The following ATP6V1B2 variants were observed in gnomAD, a reference collection of about 807,000 sequenced individuals.
ATP6V1B2 encodes V-type proton ATPase subunit B, brain isoform.
In ATP6V1B2, 23 loss-of-function variants were observed where a neutral mutation model predicts 66.7. The observed-to-expected ratio is 0.34, with a 90% CI of 0.25 to 0.49. The LOEUF is 0.49. ATP6V1B2 is among the 20% of genes least tolerant of loss of function. The pLI is 0.99. For synonymous variants in ATP6V1B2, 278 were observed against 236.7 expected (o/e 1.17, Z -1.60); for missense variants, 478 against 650.8 (o/e 0.73, Z 2.89).
chr8:20,219,120 C>A (rs892217723), intron 13 of ATP6V1B2, among the ~76,000 whole-genome samples: 2 of 152,130 alleles, frequency 1.3e-5, no homozygotes, highest in African/African-American at 4.8e-5. Context: ...ATTTCTTAAA[C>A]TTTAATATGC....
At position 20,214,889 on chromosome 8, in the gene ATP6V1B2, G is replaced by A. The variant is rs541315796; in HGVS notation, c.999G>A (p.Thr333=). ...GTTACATGTATACAGATTTAGCCAC[G>A]ATATATGAACGCGCTGGGCGAGTGG... ...FPGYMYTDLA[T]IYERAGRVEG... is the part of the protein sequence containing the mutation. The change falls in exon 10 of 14, where the codon ACG becomes ACA. Residue 333 remains threonine, a synonymous_variant. Transcript: ENST00000276390. 15 of 1,613,584 alleles carry A rather than the reference G, an allele frequency of 9.3e-6. No individual in the cohort carries two copies. Among genetic ancestry groups the A allele is most frequent in the South Asian group, 3.3e-5 (3 of 91,062 alleles).
At chr8:20,206,368 A>G (rs942316201) in intron 2 of ATP6V1B2, among the ~76,000 whole-genome samples, 2 of 152,200 alleles carry the variant, frequency 1.3e-5, no homozygotes, top group Non-Finnish European at 2.9e-5. Context: ...TCAGATGCCA[A>G]TCAAAAGTAG....
rs1252607438 is a variant in ATP6V1B2, at chr8:20,221,470, C to T, written c.*1068C>T. 6.6e-6 allele frequency: 1 copy of T among 152,602 alleles called. No homozygotes were observed. The highest frequency in any genetic ancestry group is 1.5e-5 in the Non-Finnish European group (1 of 68,060). The allele number at this position is 152,602 out of a possible 1,614,324, so 9.5% of individuals were successfully genotyped here. A position where few individuals can be genotyped will look rare whatever the true frequency, so the allele number is the denominator to read the frequency against. The stretch of plus-strand genomic sequence containing the variant: ...CCTGACGTGAGCCCTGAGCGATCTT[C>T]TATGCAGTTCTGCCATGCGTCCTGT... On this transcript the variant is annotated 3_prime_UTR_variant, in exon 14 of 14. Coordinates refer to ENST00000276390, the MANE Select transcript of ATP6V1B2 (RefSeq NM_001693.4).
Position 20,209,470 on chromosome 8 carries a change from C to A in ATP6V1B2, c.230C>A (p.Pro77Gln). 1 of 1,613,840 alleles carries A rather than the reference C, an allele frequency of 6.2e-7. No individual in the cohort carries two copies. Among genetic ancestry groups the A allele is most frequent in the Non-Finnish European group, 8.5e-7 (1 of 1,179,938 alleles). The stretch of plus-strand genomic sequence containing the variant: ...GCTGAAATTGTCCATTTGACCTTAC[C>A]GGATGGCACAAAGAGAAGTGGGCAA... Reference protein sequence around the residue: ...RYAEIVHLTLPDGTKRSGQVL... With the variant: ...RYAEIVHLTLQDGTKRSGQVL... Residue 77 changes from proline (P) to glutamine (Q), a missense_variant, in exon 3 of 14, where the codon CCG (proline) becomes CAG (glutamine). Coordinates refer to ENST00000276390, the MANE Select transcript of ATP6V1B2 (RefSeq NM_001693.4).
intron 13 of ATP6V1B2, among the ~76,000 whole-genome samples, chr8:20,219,452 G>A (rs1338770773): frequency 6.6e-6 from 1 of 152,098 alleles, no homozygotes; most frequent in Non-Finnish European, 1.5e-5. Flanking sequence ...AAGCTGTTTT[G>A]CTTGGTCTCT....
chr8:20,210,278 C>G lies in ATP6V1B2; in HGVS notation c.292-68C>G. ...TACATTATAAGGGCTGTTTAACAGA[C>G]AAATAAAATGTAAATGCCCGTGATC... On this transcript the variant is annotated intron_variant, in intron 3 of 13. Transcript: ENST00000276390. The G allele has an allele frequency of 5.2e-6, 7 of 1,354,602 alleles. No homozygotes were observed. The South Asian group carries it at 8.7e-5, about 17-fold the overall frequency. The allele number at this position is 1,354,602 out of a possible 1,614,324, so 83.9% of individuals were successfully genotyped here.
Position 20,198,614 on chromosome 8 carries a change from C to T in ATP6V1B2, c.136+1072C>T, listed in dbSNP as rs531846460. 2.0e-5 allele frequency among the ~76,000 whole-genome samples: 3 copies of T among 152,250 alleles called. No homozygotes were observed. In the East Asian group the frequency reaches 5.8e-4, roughly 29 times the overall value. ...GATGTTTCCCCAGGTGGTGAGACTGCATTTTCACTGGTTAATTGCCAGAGT... is the reference window on the plus strand; with the variant it reads ...GATGTTTCCCCAGGTGGTGAGACTGTATTTTCACTGGTTAATTGCCAGAGT... On this transcript the variant is annotated intron_variant, in intron 1 of 13. Coordinates refer to ENST00000276390, the MANE Select transcript of ATP6V1B2 (RefSeq NM_001693.4).
At chr8:20,215,222 A>T (rs2072841691) in intron 10 of ATP6V1B2, 1 of 311,836 alleles carries the variant, frequency 3.2e-6, no homozygotes, top group Non-Finnish European at 5.9e-6. Flanking sequence ...TTTGCAGGAC[A>T]CTGTTCTAAA....
chr8:20,215,056 A>C (rs1000918649), intron 10 of ATP6V1B2, 88 bp downstream of exon 10: 1 of 1,369,588 alleles, frequency 7.3e-7, no homozygotes, highest in Non-Finnish European at 9.9e-7. Flanking sequence ...AGTTATTTTG[A>C]GAACACATCC....
intron 1 of ATP6V1B2, among the ~76,000 whole-genome samples, chr8:20,201,971 A>G (rs917636520): frequency 4.1e-4 from 62 of 152,280 alleles, no homozygotes; most frequent in African/African-American, 1.4e-3. Flanking sequence ...TAAAGCCACC[A>G]GTTACCTTCA....
chr8:20,216,978 T>A (rs1345718770), intron 11 of ATP6V1B2: 2 of 471,336 alleles, frequency 4.2e-6, no homozygotes, highest in African/African-American at 1.9e-5. Flanking sequence ...TTTAAAATAG[T>A]CTTGTACAGT....
intron 2 of ATP6V1B2, among the ~76,000 whole-genome samples, chr8:20,205,371 C>G (rs2072728551): frequency 6.6e-6 from 1 of 152,100 alleles, no homozygotes; most frequent in South Asian, 2.1e-4. Flanking sequence ...AGAACGGGGT[C>G]TCCCCTAGTT....
At position 20,197,477 on chromosome 8, in the gene ATP6V1B2, C is replaced by A; in HGVS notation, c.71C>A (p.Pro24Gln). The stretch of plus-strand genomic sequence containing the variant: ...GAGCTACCCGTGCCCACCGGTGGGC[C>A]GGCGGTGGGAGCTCGGGAGCAGGCG... Reference protein sequence around the residue: ...APELPVPTGGPAVGAREQALA... With the variant: ...APELPVPTGGQAVGAREQALA... The change falls in exon 1 of 14, where the codon CCG becomes CAG. Residue 24 changes from proline (P) to glutamine (Q), a missense_variant. By Grantham distance (76) the Pro-to-Gln change is moderately conservative (BLOSUM62 -1). Coordinates refer to ENST00000276390, the MANE Select transcript of ATP6V1B2 (RefSeq NM_001693.4). 1 of 1,516,274 alleles carries A rather than the reference C, an allele frequency of 6.6e-7. No homozygotes were observed. Among genetic ancestry groups the A allele is most frequent in the Non-Finnish European group, 8.8e-7 (1 of 1,133,524 alleles). 93.9% of individuals were successfully genotyped at this position (1,516,274 alleles called of 1,614,324 possible).
At chr8:20,219,630 AT>A (rs1412145134) in intron 13 of ATP6V1B2, among the ~76,000 whole-genome samples, 1 of 152,176 alleles carries the variant, frequency 6.6e-6, no homozygotes, top group Non-Finnish European at 1.5e-5. Context: ...GATTATTGGA[AT>A]TTTTTTAATG....
chr8:20,207,286 C>A (rs2072748160), intron 2 of ATP6V1B2, among the ~76,000 whole-genome samples: 1 of 152,188 alleles, frequency 6.6e-6, no homozygotes, highest in South Asian at 2.1e-4. Flanking sequence ...ACTCTTCACA[C>A]ATGAGAATTC....
At chr8:20,215,934 A>G in intron 10 of ATP6V1B2, 1 of 153,462 alleles carries the variant, frequency 6.5e-6, no homozygotes, top group Non-Finnish European at 1.5e-5. Flanking sequence ...CTTAGTATAC[A>G]TCAGGTTGGC....
chr8:20,211,814 G>A, intron 7 of ATP6V1B2, 61 bp downstream of exon 7: 1 of 1,305,336 alleles, frequency 7.7e-7, no homozygotes, highest in Admixed American at 2.0e-5. Context: ...TGAGAACATT[G>A]TAGTAAGCTG....
At chr8:20,213,759 C>T (rs2072820054) in intron 9 of ATP6V1B2, 1 of 152,144 alleles carries the variant, frequency 6.6e-6, no homozygotes, top group Non-Finnish European at 1.5e-5. Flanking sequence ...TAAAAAGATT[C>T]TGAAGAGACA....
chr8:20,210,020 C>G (rs1224222217), intron 3 of ATP6V1B2, among the ~76,000 whole-genome samples: 2 of 150,162 alleles, frequency 1.3e-5, no homozygotes, highest in Admixed American at 6.6e-5. Flanking sequence ...CCTACATATT[C>G]TTCTTTTTCT....
Sources: gnomAD v4.1 joint callset for allele counts (sites outside exome capture counted in the v4.1 genomes callset) on GRCh38, gnomAD v4.1.1 for gene constraint, MANE v1.5 for transcripts, NCBI Gene and HGNC (gene_info 2026-07-23, HGNC 2026-07-21) for gene names.